The following NAV3 variants were observed in gnomAD, a reference collection of about 807,000 sequenced individuals.
The protein encoded by NAV3 is pore membrane and/or filament interacting like protein 1.
NAV3 carries 87 observed loss-of-function variants against 244.7 expected under a neutral mutation model. The ratio of observed to expected loss-of-function variants is 0.36; its 90% CI spans 0.30 to 0.42. The LOEUF (loss-of-function observed/expected upper bound fraction) is 0.42, where lower values mean the gene tolerates loss of function less well. Among genes scored for constraint, NAV3 ranks in the 20% least tolerant of loss-of-function variants. The pLI is 1.00. For synonymous variants in NAV3, 1,126 were observed against 1,042.2 expected, an observed-to-expected ratio of 1.08 and a Z score of -1.55; for missense variants, 2,663 against 2,893.3, an observed-to-expected ratio of 0.92 and a Z score of 1.83.
intron 8 of NAV3, among the ~76,000 whole-genome samples, chr12:78,017,480 C>T (rs182774490): frequency 6.6e-6 from 1 of 152,116 alleles, no homozygotes; most frequent in African/African-American, 2.4e-5. Context: ...TTTTGCAATG[C>T]TGTATCTTAT....
intron 1 of NAV3, among the ~76,000 whole-genome samples, chr12:77,896,045 G>A (rs1407880291): frequency 6.6e-6 from 1 of 150,480 alleles, no homozygotes; most frequent in Non-Finnish European, 1.5e-5. Context: ...AAGTGCCAAT[G>A]TTAGAAAATT....
intron 2 of NAV3, among the ~76,000 whole-genome samples, chr12:77,807,829 G>A (rs778606001): frequency 3.3e-5 from 5 of 152,064 alleles, no homozygotes; most frequent in African/African-American, 7.2e-5. Context: ...TGTAGATTTG[G>A]TCTTTTCACA....
intron 2 of NAV3, among the ~76,000 whole-genome samples, chr12:77,600,538 G>T (rs1444548683): frequency 6.6e-6 from 1 of 151,902 alleles, no homozygotes; most frequent in Admixed American, 6.6e-5. Flanking sequence ...TTGTATATAT[G>T]GTCTTGAGAT....
intron 9 of NAV3, among the ~76,000 whole-genome samples, chr12:78,042,283 G>C (rs1200391635): frequency 1.3e-5 from 2 of 152,166 alleles, no homozygotes; most frequent in African/African-American, 4.8e-5. Flanking sequence ...GGTGGTGATT[G>C]TATCAGGCCA....
At chr12:77,957,422 G>C (rs1319701230) in intron 3 of NAV3, among the ~76,000 whole-genome samples, 2 of 152,122 alleles carry the variant, frequency 1.3e-5, no homozygotes, top group African/African-American at 4.8e-5. Flanking sequence ...GTACCAAACT[G>C]TAATGTTCAT....
At chr12:77,798,154 C>T (rs912961840) in intron 2 of NAV3, among the ~76,000 whole-genome samples, 9 of 139,562 alleles carry the variant, frequency 6.4e-5, no homozygotes, top group Middle Eastern at 3.6e-3. Context: ...AGAGTGAGAC[C>T]GTGTCTCAAA....
At position 78,046,225 on chromosome 12, in the gene NAV3, C is replaced by G. The variant is rs185644104; in HGVS notation, c.2024-3768C>G. On this transcript the variant is annotated intron_variant, in intron 9 of 39. Coordinates refer to ENST00000397909, the MANE Select transcript of NAV3 (RefSeq NM_001024383.2). ...TTTTGAAGGGTTTTTGTGTCTCTATCTCCTTCAGTTCTGCTCTGATCTTAG... is the reference window on the plus strand; with the variant it reads ...TTTTGAAGGGTTTTTGTGTCTCTATGTCCTTCAGTTCTGCTCTGATCTTAG... Among the ~76,000 whole-genome samples the G allele has an allele frequency of 1.1e-4, 16 of 152,160 alleles. No homozygotes were observed. The East Asian group carries it at 2.7e-3, about 26-fold the overall frequency.
chr12:78,048,759 C>T (rs940699048), intron 9 of NAV3, among the ~76,000 whole-genome samples: 6 of 152,180 alleles, frequency 3.9e-5, no homozygotes, highest in Admixed American at 1.3e-4. Context: ...CTCGGAGATC[C>T]GCTGCTCTCT....
chr12:77,911,230 T>C (rs1886554145), intron 1 of NAV3, among the ~76,000 whole-genome samples: 1 of 152,108 alleles, frequency 6.6e-6, no homozygotes, highest in African/African-American at 2.4e-5. Context: ...TTCTGGACTT[T>C]TTGATAAAAG....
intron 12 of NAV3, among the ~76,000 whole-genome samples, chr12:78,067,251 C>A (rs1025509204): frequency 6.6e-6 from 1 of 152,116 alleles, no homozygotes; most frequent in Admixed American, 6.6e-5. Flanking sequence ...CTTACTGGCT[C>A]TCCATAGTAA....
intron 23 of NAV3, among the ~76,000 whole-genome samples, chr12:78,167,868 T>C (rs1957843653): frequency 1.3e-5 from 2 of 151,688 alleles, no homozygotes; most frequent in South Asian, 2.1e-4. Context: ...CTCAGTTCTT[T>C]TTCTTTCTAT....
chr12:77,939,947 A>C (rs1164536476), intron 1 of NAV3, among the ~76,000 whole-genome samples: 1 of 152,202 alleles, frequency 6.6e-6, no homozygotes, highest in African/African-American at 2.4e-5. Flanking sequence ...TATGTAAATC[A>C]GTCCAGGTGG....
chr12:77,872,758 G>A (rs1881164620), intron 1 of NAV3, among the ~76,000 whole-genome samples: 1 of 152,090 alleles, frequency 6.6e-6, no homozygotes, highest in South Asian at 2.1e-4. Flanking sequence ...CTATATGACT[G>A]TTGCTTTGCT....
intron 1 of NAV3, among the ~76,000 whole-genome samples, chr12:77,910,166 A>G (rs1263219372): frequency 3.9e-5 from 6 of 152,076 alleles, no homozygotes; most frequent in Admixed American, 2.6e-4. Context: ...TATAAAGAAA[A>G]GAGGTTTATT....
intron 1 of NAV3, among the ~76,000 whole-genome samples, chr12:77,869,233 C>T (rs1880573072): frequency 6.6e-6 from 1 of 151,998 alleles, no homozygotes; most frequent in South Asian, 2.1e-4. Flanking sequence ...AGCCTTGATT[C>T]CCCAACTATT....
At chr12:78,155,984 G>A (rs1957289693) in intron 22 of NAV3, among the ~76,000 whole-genome samples, 1 of 152,068 alleles carries the variant, frequency 6.6e-6, no homozygotes, top group African/African-American at 2.4e-5. Context: ...CTTTTGCTAT[G>A]CTGAAGGTCT....
At chr12:77,694,379 A>T (rs1193494047) in intron 2 of NAV3, among the ~76,000 whole-genome samples, 2 of 151,938 alleles carry the variant, frequency 1.3e-5, no homozygotes, top group Non-Finnish European at 2.9e-5. Flanking sequence ...AGGCTGAGGC[A>T]GGAGAATCAC....
intron 2 of NAV3, among the ~76,000 whole-genome samples, chr12:77,687,276 A>T (rs536468787): frequency 1.3e-5 from 2 of 152,172 alleles, no homozygotes; most frequent in East Asian, 1.9e-4. Context: ...ATTGCCTGAG[A>T]TCTGATACCT....
intron 7 of NAV3, among the ~76,000 whole-genome samples, chr12:78,005,312 A>G (rs1233670957): frequency 6.6e-6 from 1 of 152,260 alleles, no homozygotes; most frequent in Non-Finnish European, 1.5e-5. Flanking sequence ...CTGAAAGTTC[A>G]GTAAAAAATG....
Sources: gnomAD v4.1 joint callset for allele counts (sites outside exome capture counted in the v4.1 genomes callset) on GRCh38, gnomAD v4.1.1 for gene constraint, MANE v1.5 for transcripts, NCBI Gene and HGNC (gene_info 2026-07-23, HGNC 2026-07-21) for gene names.